UNC13C: variants seen among roughly 807,000 people sequenced by gnomAD.
The protein encoded by UNC13C is protein unc-13 homolog C.
A neutral mutation model predicts 245.4 loss-of-function variants in UNC13C; 174 were observed. The observed-to-expected ratio is 0.71, with a 90% CI of 0.63 to 0.80. The LOEUF (loss-of-function observed/expected upper bound fraction) is 0.80, where lower values mean the gene tolerates loss of function less well. UNC13C is among the 30% of genes least tolerant of loss of function. UNC13C has a pLI of 0.00. For missense variants in UNC13C, 2,829 were observed against 2,602.9 expected (o/e 1.09, Z -1.89); for synonymous variants, 992 against 895.1 (o/e 1.11, Z -1.93).
chr15:54,221,785 C>A (rs2035233946), intron 4 of UNC13C, among the ~76,000 whole-genome samples: 1 of 152,122 alleles, frequency 6.6e-6, no homozygotes, highest in South Asian at 2.1e-4. Flanking sequence ...CCTTCAGATA[C>A]AGAGTATACA....
At chr15:53,942,397 G>A in the UNC13C span, among the ~76,000 whole-genome samples, 7,904 of 152,026 alleles carry the variant, frequency 0.052, 412 homozygotes, top group African/African-American at 0.13. Context: ...CACTGGGCCT[G>A]TTGGTGGGGA....
At chr15:54,357,861 T>A (rs2039132590) in intron 17 of UNC13C, among the ~76,000 whole-genome samples, 1 of 151,992 alleles carries the variant, frequency 6.6e-6, no homozygotes, top group African/African-American at 2.4e-5. Context: ...TATGTGTGTG[T>A]GTATTTATGT....
chr15:54,598,178 C>T (rs1899205381), intron 30 of UNC13C, among the ~76,000 whole-genome samples: 1 of 152,172 alleles, frequency 6.6e-6, no homozygotes, highest in Non-Finnish European at 1.5e-5. Flanking sequence ...CTGCAACCTT[C>T]ACCTCCCTAG....
intron 4 of UNC13C, among the ~76,000 whole-genome samples, chr15:54,178,322 C>A (rs1269106083): frequency 1.3e-5 from 2 of 152,106 alleles, no homozygotes; most frequent in African/African-American, 2.4e-5. Context: ...CTGCCCAATG[C>A]AGAATAGCCT....
rs71105808 is a variant in UNC13C, at chr15:54,408,199, C to CAAA, written c.4848-6755_4848-6753dup. Among the ~76,000 whole-genome samples the CAAA allele has an allele frequency of 6.1e-3, 178 of 29,120 alleles. 22 individuals carry two copies. The highest frequency in any genetic ancestry group is 7.1e-3 in the African/African-American group (81 of 11,332). 19.1% of individuals were successfully genotyped at this position (29,120 alleles called of 152,430 possible). A position where few individuals can be genotyped will look rare whatever the true frequency, so the allele number is the denominator to read the frequency against. ...TGGGTGACAGAGTGAGACTCTGCCT[C>CAAA]AAAAAAAAAAAAAAAAAAAAAAAAA... On this transcript the variant is annotated intron_variant, in intron 18 of 32. Transcript: ENST00000260323.
At chr15:53,894,687 A>T in the UNC13C span, among the ~76,000 whole-genome samples, 1 of 152,090 alleles carries the variant, frequency 6.6e-6, no homozygotes, top group African/African-American at 2.4e-5. Flanking sequence ...CCATTTATTT[A>T]TGTCACTTTG....
At chr15:53,895,939 T>C in the UNC13C span, among the ~76,000 whole-genome samples, 3 of 150,750 alleles carry the variant, frequency 2.0e-5, no homozygotes, top group Non-Finnish European at 4.4e-5. Context: ...TGAGGCCACT[T>C]AGTCCAGTAT....
chr15:54,514,643 G>C (rs145010856), intron 24 of UNC13C, among the ~76,000 whole-genome samples: 1 of 152,172 alleles, frequency 6.6e-6, no homozygotes, highest in African/African-American at 2.4e-5. Flanking sequence ...GCATGACTGC[G>C]TGCTACTGCA....
At chr15:53,875,487 G>C in the UNC13C span, among the ~76,000 whole-genome samples, 1 of 152,128 alleles carries the variant, frequency 6.6e-6, no homozygotes, top group African/African-American at 2.4e-5. Context: ...GCAGGAGGTT[G>C]CTGGTAAGGT....
intron 19 of UNC13C, among the ~76,000 whole-genome samples, chr15:54,418,167 C>T (rs922454742): frequency 6.6e-5 from 10 of 152,212 alleles, no homozygotes; most frequent in Middle Eastern, 3.4e-3. Flanking sequence ...GCCTTTTAGC[C>T]TCAATCCTTA....
rs1895006788 is a variant in UNC13C at position 54,516,889 on chromosome 15, G to A, written c.5457+5059G>A. ...ACCAGTCCTGACCAGCCTACTTTCT[G>A]TGTTTTGAATCTTAAGAACACCTGA... On this transcript the variant is annotated intron_variant, in intron 24 of 32. Transcript: ENST00000260323. Among the ~76,000 whole-genome samples the A allele has an allele frequency of 4.6e-5, 7 of 151,670 alleles. No homozygotes were observed. The South Asian group carries it at 1.5e-3, about 32-fold the overall frequency.
At chr15:53,838,361 T>C in the UNC13C span, among the ~76,000 whole-genome samples, 1 of 152,106 alleles carries the variant, frequency 6.6e-6, no homozygotes, top group Non-Finnish European at 1.5e-5. Flanking sequence ...TTTGCTAGCA[T>C]ACTTGTAGCA....
chr15:54,509,697 A>G (rs1377154551), intron 23 of UNC13C, among the ~76,000 whole-genome samples: 1 of 152,176 alleles, frequency 6.6e-6, no homozygotes, highest in Non-Finnish European at 1.5e-5. Flanking sequence ...TTTTTCATTT[A>G]CTATGAAGTT....
intron 29 of UNC13C, among the ~76,000 whole-genome samples, chr15:54,563,834 G>A (rs542194987): frequency 4.0e-5 from 6 of 151,868 alleles, no homozygotes; most frequent in African/African-American, 1.5e-4. Context: ...CTACTCTCCA[G>A]TTCCTTCAGA....
the UNC13C span, among the ~76,000 whole-genome samples, chr15:53,880,654 C>T: frequency 2.0e-5 from 3 of 151,590 alleles, no homozygotes; most frequent in Non-Finnish European, 4.4e-5. Flanking sequence ...GAATTAATCA[C>T]GACCTCTTTT....
At chr15:54,111,155 G>C (rs537556337) in intron 2 of UNC13C, among the ~76,000 whole-genome samples, 2 of 152,066 alleles carry the variant, frequency 1.3e-5, no homozygotes, top group Non-Finnish European at 1.5e-5. Flanking sequence ...TTTACTCTTG[G>C]AGAAACATCC....
chr15:54,425,082 C>T (rs933343698), intron 19 of UNC13C, among the ~76,000 whole-genome samples: 1 of 151,736 alleles, frequency 6.6e-6, no homozygotes, highest in Non-Finnish European at 1.5e-5. Flanking sequence ...CTACCAGGGA[C>T]CACTTCAGCA....
intron 10 of UNC13C, among the ~76,000 whole-genome samples, chr15:54,279,286 C>G (rs1325684307): frequency 2.6e-5 from 4 of 152,092 alleles, no homozygotes; most frequent in Non-Finnish European, 5.9e-5. Context: ...AACATTTGCT[C>G]CGTTTGAGAT....
chr15:54,054,572 C>G (rs1434611509), intron 2 of UNC13C, among the ~76,000 whole-genome samples: 1 of 152,132 alleles, frequency 6.6e-6, no homozygotes, highest in Non-Finnish European at 1.5e-5. Flanking sequence ...TCAGCATCTA[C>G]TTGCCATTTA....
Sources: gnomAD v4.1 joint callset for allele counts (sites outside exome capture counted in the v4.1 genomes callset) on GRCh38, gnomAD v4.1.1 for gene constraint, MANE v1.5 for transcripts, NCBI Gene and HGNC (gene_info 2026-07-23, HGNC 2026-07-21) for gene names.